The following TRAF3IP2 variants were observed in gnomAD, a reference collection of about 807,000 sequenced individuals.
TRAF3IP2 encodes the protein TRAF3 interacting protein 2, also known as E3 ubiquitin ligase TRAF3IP2.
A neutral mutation model predicts 57.9 loss-of-function variants in TRAF3IP2; 35 were observed. The ratio of observed to expected loss-of-function variants is 0.60; its 90% CI spans 0.46 to 0.80. The LOEUF (loss-of-function observed/expected upper bound fraction) is 0.80, where lower values mean the gene tolerates loss of function less well. Ranked by LOEUF, TRAF3IP2 falls within the 30% of genes least tolerant of loss-of-function variation. The probability of loss-of-function intolerance (pLI) is 0.00; values close to 1 mark genes in which losing one functional copy is unlikely to be tolerated. For missense variants in TRAF3IP2, 556 were observed against 706.4 expected (o/e 0.79, Z 2.41); for synonymous variants, 251 against 268.9 (o/e 0.93, Z 0.65).
rs1167059408 is a variant in TRAF3IP2 at position 111,558,365 on chromosome 6, T to TAATC, written c.*1036_*1039dup. 14 of 152,254 alleles carry TAATC rather than the reference T, an allele frequency of 9.2e-5. No homozygotes were observed. Among genetic ancestry groups the TAATC allele is most frequent in the Admixed American group, 9.2e-4 (14 of 15,284 alleles). The allele number at this position is 152,254 out of a possible 1,614,324, so 9.4% of individuals were successfully genotyped here. On this transcript the variant is annotated 3_prime_UTR_variant, in exon 9 of 9. Transcript: ENST00000368761. ...CTATGTAGTCAGATCCTGAGAACCA[T>TAATC]AATCATACTATTTAGAATCATGGCT... is the stretch of plus-strand genomic sequence containing the variant.
At chr6:111,594,624 CTG>C in intron 1 of TRAF3IP2, 1 of 379,276 alleles carries the variant, frequency 2.6e-6, no homozygotes, top group South Asian at 1.9e-5. Context: ...TCAGTTAAAA[CTG>C]CTCTGGGGCT....
intron 1 of TRAF3IP2, among the ~76,000 whole-genome samples, chr6:111,604,221 G>A (rs1351862379): frequency 6.6e-6 from 1 of 152,114 alleles, no homozygotes; most frequent in African/African-American, 2.4e-5. Flanking sequence ...AAGAAACAAT[G>A]ACAATTTTTT....
chr6:111,557,262 A>AT lies in TRAF3IP2; in HGVS notation c.*2142dup, dbSNP rs1168038673. Reference sequence around the variant, plus strand: ...CTTCATTGTCTTAGTAGCTTGGGCCATAATTAAAGCCATCCCACCTTTATA... The same window carrying AT: ...CTTCATTGTCTTAGTAGCTTGGGCCATTAATTAAAGCCATCCCACCTTTATA... On this transcript the variant is annotated 3_prime_UTR_variant, in exon 9 of 9. Transcript: ENST00000368761. 1 of 152,172 alleles carries AT rather than the reference A, an allele frequency of 6.6e-6. No individual in the cohort carries two copies. Among genetic ancestry groups the AT allele is most frequent in the Non-Finnish European group, 1.5e-5 (1 of 68,032 alleles). 9.4% of individuals were successfully genotyped at this position (152,172 alleles called of 1,614,324 possible).
At chr6:111,561,398 C>A (rs1562416975) in intron 8 of TRAF3IP2, among the ~76,000 whole-genome samples, 1 of 152,120 alleles carries the variant, frequency 6.6e-6, no homozygotes, top group Non-Finnish European at 1.5e-5. Flanking sequence ...CGAGATCACA[C>A]CACTACACTC....
chr6:111,592,470 A>G (rs1796553005), intron 1 of TRAF3IP2, among the ~76,000 whole-genome samples: 1 of 152,226 alleles, frequency 6.6e-6, no homozygotes, highest in East Asian at 1.9e-4. Flanking sequence ...AGTAACTGAT[A>G]TGGAATGATC....
At chr6:111,569,057 A>G (rs1263308094) in intron 5 of TRAF3IP2, among the ~76,000 whole-genome samples, 1 of 152,258 alleles carries the variant, frequency 6.6e-6, no homozygotes, top group African/African-American at 2.4e-5. Context: ...ACTATCACAT[A>G]CATAGAGTAC....
intron 1 of TRAF3IP2, among the ~76,000 whole-genome samples, chr6:111,596,515 A>G (rs191726578): frequency 0.058 from 8,764 of 152,204 alleles, 452 homozygotes; most frequent in African/African-American, 0.14. Context: ...GTGCAGTGGC[A>G]CAATCTCGGC....
intron 7 of TRAF3IP2, among the ~76,000 whole-genome samples, chr6:111,564,110 T>C (rs531791950): frequency 2.0e-5 from 3 of 152,226 alleles, no homozygotes; most frequent in African/African-American, 7.2e-5. Context: ...TAGCTGGTTA[T>C]TGAAATCACC....
At chr6:111,592,612 T>C (rs1796557149) in intron 1 of TRAF3IP2, among the ~76,000 whole-genome samples, 1 of 152,130 alleles carries the variant, frequency 6.6e-6, no homozygotes, top group Non-Finnish European at 1.5e-5. Flanking sequence ...GTATAAACCG[T>C]GTGGAGGATA....
chr6:111,604,918 T>C (rs138409273), intron 1 of TRAF3IP2, among the ~76,000 whole-genome samples: 67 of 152,264 alleles, frequency 4.4e-4, no homozygotes, highest in Middle Eastern at 6.8e-3. Flanking sequence ...TAAGGGAATT[T>C]GACACACTCA....
At chr6:111,593,286 A>C (rs1796576271) in intron 1 of TRAF3IP2, among the ~76,000 whole-genome samples, 1 of 152,186 alleles carries the variant, frequency 6.6e-6, no homozygotes, top group Non-Finnish European at 1.5e-5. Context: ...AAAAATTCCT[A>C]CTTTGGATCC....
rs1286325232 is a variant in TRAF3IP2 at position 111,559,197 on chromosome 6, A to T, written c.*208T>A. 1 of 549,916 alleles carries T rather than the reference A, an allele frequency of 1.8e-6. No individual in the cohort carries two copies. The allele number at this position is 549,916 out of a possible 1,614,324, so 34.1% of individuals were successfully genotyped here. On this transcript the variant is annotated 3_prime_UTR_variant, in exon 9 of 9. Transcript: ENST00000368761. ...GTTTTTTTAAAAGCAGAGAATGCAG[A>T]GCAGTCACAGACTCCACTTCAAAGC...
chr6:111,593,103 G>A (rs993342716), intron 1 of TRAF3IP2, among the ~76,000 whole-genome samples: 1 of 152,198 alleles, frequency 6.6e-6, no homozygotes, highest in African/African-American at 2.4e-5. Context: ...CAGGAAGAAC[G>A]CAGTCCAGAG....
intron 1 of TRAF3IP2, among the ~76,000 whole-genome samples, chr6:111,595,225 C>T (rs763325494): frequency 6.6e-6 from 1 of 152,122 alleles, no homozygotes; most frequent in Non-Finnish European, 1.5e-5. Context: ...AGGAGCGAAA[C>T]TCTGTCTCAA....
At chr6:111,588,456 C>T (rs148933363) in intron 2 of TRAF3IP2, among the ~76,000 whole-genome samples, 179 of 152,342 alleles carry the variant, frequency 1.2e-3, no homozygotes, top group African/African-American at 3.9e-3. Flanking sequence ...AATGGGACAA[C>T]GCTCACCTCC....
intron 1 of TRAF3IP2, chr6:111,594,382 T>A: frequency 3.0e-6 from 1 of 328,008 alleles, no homozygotes; most frequent in South Asian, 2.4e-5. Flanking sequence ...TTTATTGCCA[T>A]GGGATTTGCT....
chr6:111,566,367 G>T, intron 7 of TRAF3IP2, 77 bp downstream of exon 7: 1 of 1,167,046 alleles, frequency 8.6e-7, no homozygotes, highest in Non-Finnish European at 1.3e-6. Flanking sequence ...CTGGTCTCTG[G>T]GGAAGAATGG....
rs559627154 is a variant in TRAF3IP2 at position 111,557,330 on chromosome 6, A to T, written c.*2075T>A. ...ACATGTATACATATTTTATATATGG[A>T]TATGTGTATGTGTTCTTTTTCTGGA... On this transcript the variant is annotated 3_prime_UTR_variant, in exon 9 of 9. Coordinates refer to ENST00000368761, the MANE Select transcript of TRAF3IP2 (RefSeq NM_147686.4). 6.6e-6 allele frequency: 1 copy of T among 151,760 alleles called. No individual in the cohort carries two copies. The highest frequency in any genetic ancestry group is 1.5e-5 in the Non-Finnish European group (1 of 67,956). 9.4% of individuals were successfully genotyped at this position (151,760 alleles called of 1,614,324 possible).
At chr6:111,601,146 C>A in intron 1 of TRAF3IP2, 1 of 749,862 alleles carries the variant, frequency 1.3e-6, no homozygotes, top group Non-Finnish European at 2.5e-6. Flanking sequence ...ATGGGGAAGC[C>A]ACATAACCCC....
Sources: gnomAD v4.1 joint callset for allele counts (sites outside exome capture counted in the v4.1 genomes callset) on GRCh38, gnomAD v4.1.1 for gene constraint, MANE v1.5 for transcripts, NCBI Gene and HGNC (gene_info 2026-07-23, HGNC 2026-07-21) for gene names.